The following LARGE1 variants were observed in gnomAD, a reference collection of about 807,000 sequenced individuals.
LARGE1 encodes LARGE xylosyl- and glucuronyltransferase 1, also known as xylosyl- and glucuronyltransferase LARGE1.
A neutral mutation model predicts 87.6 loss-of-function variants in LARGE1; 43 were observed. The observed-to-expected ratio is 0.49, with a 90% CI of 0.38 to 0.63. LARGE1 has a LOEUF of 0.63. Ranked by LOEUF, LARGE1 falls within the 30% of genes least tolerant of loss-of-function variation. The probability of loss-of-function intolerance (pLI) is 0.00; values close to 1 mark genes in which losing one functional copy is unlikely to be tolerated. For synonymous variants in LARGE1, 434 were observed against 394.6 expected (o/e 1.10, Z -1.18); for missense variants, 802 against 1,000.2 (o/e 0.80, Z 2.67).
At chr22:33,201,803 C>A (rs1019890863) in intron 11 of LARGE1, among the ~76,000 whole-genome samples, 1 of 152,116 alleles carries the variant, frequency 6.6e-6, no homozygotes, top group Admixed American at 6.5e-5. Flanking sequence ...TCCGCTGAAG[C>A]GTTTTGAGCA....
intron 2 of LARGE1, among the ~76,000 whole-genome samples, chr22:33,689,223 C>T (rs1259820465): frequency 6.6e-6 from 1 of 151,690 alleles, no homozygotes; most frequent in East Asian, 1.9e-4. Context: ...GTCAGGCTGG[C>T]TAAGTTTATG....
At chr22:33,693,809 G>A (rs1396586079) in intron 2 of LARGE1, among the ~76,000 whole-genome samples, 3 of 152,030 alleles carry the variant, frequency 2.0e-5, no homozygotes, top group African/African-American at 7.2e-5. Flanking sequence ...GGGCAACGGG[G>A]CGAGACTCTG....
In LARGE1 at chr22:33,524,420, C is replaced by T. The variant is rs556469605; in HGVS notation, c.787+40428G>A. Reference sequence around the variant, plus strand: ...ATTTTCTAATTTACCCTCTTGTCATCTTATAAAATCTTCTCTAATAAGTTT... The same window carrying T: ...ATTTTCTAATTTACCCTCTTGTCATTTTATAAAATCTTCTCTAATAAGTTT... On this transcript the variant is annotated intron_variant, in intron 6 of 14. Transcript: ENST00000397394. Among the ~76,000 whole-genome samples the T allele has an allele frequency of 3.3e-5, 5 of 152,262 alleles. No homozygotes were observed. In the East Asian group the frequency reaches 9.6e-4, roughly 29 times the overall value.
intron 6 of LARGE1, among the ~76,000 whole-genome samples, chr22:33,542,124 T>G (rs1435172535): frequency 7.4e-6 from 1 of 134,650 alleles, no homozygotes; most frequent in Non-Finnish European, 1.5e-5. Context: ...ATCGCACCAC[T>G]GCACTCCAGC....
chr22:33,541,076 G>A (rs1384761732), intron 6 of LARGE1, among the ~76,000 whole-genome samples: 1 of 84,136 alleles, frequency 1.2e-5, no homozygotes, highest in Admixed American at 1.2e-4. Flanking sequence ...GGCGGGGGGC[G>A]GGTTGCAGGG....
At chr22:33,482,610 G>C (rs2069376272) in intron 6 of LARGE1, among the ~76,000 whole-genome samples, 1 of 151,988 alleles carries the variant, frequency 6.6e-6, no homozygotes. Flanking sequence ...CGGGTTGATG[G>C]GTGCAGCAAA....
chr22:33,541,078 G>GGTGGGGGGGGGGGGGT (rs1569252354), intron 6 of LARGE1, among the ~76,000 whole-genome samples: 1 of 62,202 alleles, frequency 1.6e-5, no homozygotes, highest in Non-Finnish European at 3.4e-5. Flanking sequence ...CGGGGGGCGG[G>GGTGGGGGGGGGGGGGT]TTGCAGGGGG....
At chr22:33,690,392 A>C (rs1433705690) in intron 2 of LARGE1, among the ~76,000 whole-genome samples, 2 of 152,164 alleles carry the variant, frequency 1.3e-5, no homozygotes, top group African/African-American at 2.4e-5. Flanking sequence ...GTGCTATGTG[A>C]ACGTAACGGC....
At chr22:33,807,989 C>T (rs1174668457) in intron 1 of LARGE1, among the ~76,000 whole-genome samples, 1 of 152,140 alleles carries the variant, frequency 6.6e-6, no homozygotes, top group African/African-American at 2.4e-5. Context: ...TCTGTGTGGA[C>T]GTAAGTTTTC....
At chr22:33,313,119 T>C (rs976811382) in intron 11 of LARGE1, among the ~76,000 whole-genome samples, 2 of 152,176 alleles carry the variant, frequency 1.3e-5, no homozygotes, top group African/African-American at 4.8e-5. Context: ...TACCTGGCCA[T>C]GTGTATTTGA....
At chr22:33,349,375 C>T (rs1410768876) in intron 9 of LARGE1, among the ~76,000 whole-genome samples, 2 of 152,210 alleles carry the variant, frequency 1.3e-5, no homozygotes, top group Non-Finnish European at 2.9e-5. Flanking sequence ...ATGGAGCCTG[C>T]AGCAGATCCA....
intron 11 of LARGE1, among the ~76,000 whole-genome samples, chr22:33,172,865 G>C (rs904372729): frequency 2.0e-5 from 3 of 152,180 alleles, no homozygotes; most frequent in Admixed American, 6.5e-5. Context: ...TATGTGAAAA[G>C]ACCAAATCTA....
At chr22:33,641,866 G>C (rs1445805458) in intron 3 of LARGE1, among the ~76,000 whole-genome samples, 2 of 152,162 alleles carry the variant, frequency 1.3e-5, no homozygotes, top group Non-Finnish European at 2.9e-5. Context: ...AAGCCTCCAA[G>C]AAATATGGGA....
the LARGE1 span, among the ~76,000 whole-genome samples, chr22:33,131,955 T>C: frequency 6.6e-6 from 1 of 152,004 alleles, no homozygotes; most frequent in African/African-American, 2.4e-5. Flanking sequence ...ACATCTTACA[T>C]GGATGTGCAG....
At chr22:33,262,568 C>T (rs1281816121) in intron 11 of LARGE1, among the ~76,000 whole-genome samples, 1 of 152,138 alleles carries the variant, frequency 6.6e-6, no homozygotes, top group East Asian at 1.9e-4. Context: ...AGTGCCCCCA[C>T]CTGTCAATGT....
intron 6 of LARGE1, among the ~76,000 whole-genome samples, chr22:33,488,262 A>G (rs1359474649): frequency 1.3e-5 from 2 of 152,276 alleles, no homozygotes; most frequent in Non-Finnish European, 2.9e-5. Flanking sequence ...TCCTGTGCTC[A>G]GTGACCACAT....
intron 2 of LARGE1, among the ~76,000 whole-genome samples, chr22:33,756,758 G>A (rs373632966): frequency 4.6e-5 from 7 of 152,306 alleles, no homozygotes; most frequent in Admixed American, 2.6e-4. Flanking sequence ...TCTGAAGAAC[G>A]AAGCAGACCT....
intron 6 of LARGE1, among the ~76,000 whole-genome samples, chr22:33,516,192 G>T (rs540925550): frequency 2.6e-5 from 4 of 152,140 alleles, no homozygotes. Context: ...AGGAGCGAGG[G>T]CTAGGGCTAT....
At chr22:33,627,085 A>G (rs142509344) in intron 3 of LARGE1, among the ~76,000 whole-genome samples, 1 of 152,384 alleles carries the variant, frequency 6.6e-6, no homozygotes, top group East Asian at 1.9e-4. Flanking sequence ...AAGGTCCTCC[A>G]GAGCTGGGCT....
Sources: allele counts gnomAD v4.1 joint callset (sites outside exome capture counted in the v4.1 genomes callset), GRCh38; gene constraint gnomAD v4.1.1; transcripts MANE v1.5; gene names NCBI Gene and HGNC (gene_info 2026-07-23, HGNC 2026-07-21).